TVP23A: variants seen among roughly 807,000 people sequenced by gnomAD.
TVP23A encodes trans-golgi network vesicle protein 23 homolog A, also known as Golgi apparatus membrane protein TVP23 homolog A.
A neutral mutation model predicts 31.7 loss-of-function variants in TVP23A; 21 were observed. The ratio of observed to expected loss-of-function variants is 0.66; its 90% CI spans 0.47 to 0.95. TVP23A has a LOEUF of 0.95. TVP23A is among the 40% of genes least tolerant of loss of function. The pLI, the probability that TVP23A is intolerant of heterozygous loss-of-function variation, is 0.00. For missense variants in TVP23A, 279 were observed against 255.6 expected (o/e 1.09, Z -0.62); for synonymous variants, 104 against 96.0 (o/e 1.08, Z -0.49).
intron 2 of TVP23A, among the ~76,000 whole-genome samples, chr16:10,814,908 TC>T (rs34056134): frequency 0.099 from 14,996 of 152,092 alleles, 1,443 homozygotes; most frequent in East Asian, 0.25. Flanking sequence ...GCAGGCCACT[TC>T]CCAGCACCTG....
intron 2 of TVP23A, among the ~76,000 whole-genome samples, chr16:10,806,111 G>C (rs547592495): frequency 1.8e-4 from 27 of 152,334 alleles, no homozygotes; most frequent in African/African-American, 6.5e-4. Flanking sequence ...GGGAGGCTGA[G>C]GCGGATGGAT....
At chr16:10,783,394 G>A (rs981710761) in intron 2 of TVP23A, among the ~76,000 whole-genome samples, 3 of 152,192 alleles carry the variant, frequency 2.0e-5, no homozygotes, top group African/African-American at 7.2e-5. Flanking sequence ...TCCTTCAATT[G>A]GCCAGGTGTG....
At position 10,779,169 on chromosome 16, in the gene TVP23A, T is replaced by C. The variant is rs116940072; in HGVS notation, c.90-4073A>G. Reference sequence around the variant, plus strand: ...CTTAGCTGGGCCCTGATTAACTCAATGGAAAGTGGTGTTACTCAAACAGAG... The same window carrying C: ...CTTAGCTGGGCCCTGATTAACTCAACGGAAAGTGGTGTTACTCAAACAGAG... On this transcript the variant is annotated intron_variant, in intron 2 of 7. Transcript: ENST00000299866. This position sits in a 1 kb window ranked among gnomAD's most constrained non-coding sequence, Gnocchi z 4.9. Among the ~76,000 whole-genome samples the C allele has an allele frequency of 1.9e-4, 29 of 152,252 alleles. 2 individuals are homozygous for C. The East Asian group carries it at 5.6e-3, about 29-fold the overall frequency.
At position 10,767,354 on chromosome 16, in the gene TVP23A, A is replaced by T; in HGVS notation, c.*1748T>A. On this transcript the variant is annotated 3_prime_UTR_variant, in exon 8 of 8. Transcript: ENST00000299866. This position sits in a 1 kb window ranked among gnomAD's most constrained non-coding sequence, Gnocchi z 4.6. ...AATGGCCACATGGCGGGGAAAGACT[A>T]GCAGACTGATAGACACCAGCACAGA... The T allele has an allele frequency of 2.5e-6, 1 of 399,704 alleles. No homozygotes were observed. Among genetic ancestry groups the T allele is most frequent in the East Asian group, 3.6e-5 (1 of 28,102 alleles). 24.8% of individuals were successfully genotyped at this position (399,704 alleles called of 1,614,324 possible).
At position 10,766,804 on chromosome 16, in the gene TVP23A, G is replaced by A; in HGVS notation, c.*2298C>T. ...TTGTGTTTAAATACCCTCTACTTGAGGTACGCCCTATATAAACGAAAAGGA... is the reference window on the plus strand; with the variant it reads ...TTGTGTTTAAATACCCTCTACTTGAAGTACGCCCTATATAAACGAAAAGGA... On this transcript the variant is annotated 3_prime_UTR_variant, in exon 8 of 8. Transcript: ENST00000299866. This position sits in a 1 kb window ranked among gnomAD's most constrained non-coding sequence, Gnocchi z 4.8. 7.5e-6 allele frequency: 3 copies of A among 397,528 alleles called. No individual in the cohort carries two copies. The highest frequency in any genetic ancestry group is 8.9e-6 in the Non-Finnish European group (2 of 225,906). The allele number at this position is 397,528 out of a possible 1,614,324, so 24.6% of individuals were successfully genotyped here.
chr16:10,765,682 A>T (rs962420025), downstream of TVP23A, among the ~76,000 whole-genome samples: 1 of 152,064 alleles, frequency 6.6e-6, no homozygotes, highest in Admixed American at 6.6e-5. The surrounding 1 kb of genome is among the most constrained non-coding windows in gnomAD (Gnocchi z 4.0). Context: ...CACCTCCCTC[A>T]CACCAAGCCC....
intron 2 of TVP23A, among the ~76,000 whole-genome samples, chr16:10,781,559 C>G (rs1340984966): frequency 6.6e-6 from 1 of 152,134 alleles, no homozygotes; most frequent in Non-Finnish European, 1.5e-5. Flanking sequence ...GTGTGAAAGC[C>G]ACCTGAGGAG....
chr16:10,804,661 G>A (rs181666733), intron 2 of TVP23A, among the ~76,000 whole-genome samples: 4 of 152,270 alleles, frequency 2.6e-5, no homozygotes, highest in Admixed American at 6.5e-5. Flanking sequence ...GGGGAGGATC[G>A]CTTGAGCCCA....
chr16:10,804,274 G>A (rs375734350), intron 2 of TVP23A, among the ~76,000 whole-genome samples: 5 of 152,184 alleles, frequency 3.3e-5, no homozygotes, highest in Non-Finnish European at 5.9e-5. Flanking sequence ...AAATGCTTTC[G>A]TTGGGATAAT....
In TVP23A at chr16:10,767,863, C is replaced by A; in HGVS notation, c.*1239G>T. ...AGCGGGCTCAAGATCTTCCCATTGT[C>A]ACCAGCACGGAAAGAGCCCCAAGAT... On this transcript the variant is annotated 3_prime_UTR_variant, in exon 8 of 8. Coordinates refer to ENST00000299866, the MANE Select transcript of TVP23A (RefSeq NM_001079512.4). The surrounding 1 kb of genome is among the most constrained non-coding windows in gnomAD (Gnocchi z 4.6). 1 of 1,246,876 alleles carries A rather than the reference C, an allele frequency of 8.0e-7. No individual in the cohort carries two copies. Among genetic ancestry groups the A allele is most frequent in the South Asian group, 1.2e-5 (1 of 82,748 alleles). The allele number at this position is 1,246,876 out of a possible 1,614,324, so 77.2% of individuals were successfully genotyped here. A position where few individuals can be genotyped will look rare whatever the true frequency, so the allele number is the denominator to read the frequency against.
chr16:10,809,954 C>T (rs749172310), intron 2 of TVP23A, among the ~76,000 whole-genome samples: 6 of 152,172 alleles, frequency 3.9e-5, no homozygotes, highest in Non-Finnish European at 5.9e-5. Flanking sequence ...CAACATTACT[C>T]ATAACAACAC....
chr16:10,786,624 CT>C (rs1451041010), intron 2 of TVP23A, among the ~76,000 whole-genome samples: 1 of 152,020 alleles, frequency 6.6e-6, no homozygotes, highest in African/African-American at 2.4e-5. Context: ...TTGCTTTGCT[CT>C]GTGATGATGT....
intron 5 of TVP23A, 40 bp downstream of exon 5, chr16:10,773,273 G>C: frequency 3.2e-6 from 5 of 1,549,698 alleles, no homozygotes; most frequent in Non-Finnish European, 4.3e-6. Context: ...TTTTTTTGCA[G>C]AGACATCAAA....
chr16:10,799,488 C>A (rs2033585975), intron 2 of TVP23A, among the ~76,000 whole-genome samples: 1 of 152,154 alleles, frequency 6.6e-6, no homozygotes, highest in African/African-American at 2.4e-5. Flanking sequence ...TGCCTACTAC[C>A]ACGCCTGACT....
chr16:10,810,406 G>A (rs2034141446), intron 2 of TVP23A, among the ~76,000 whole-genome samples: 1 of 151,924 alleles, frequency 6.6e-6, no homozygotes, highest in Non-Finnish European at 1.5e-5. Context: ...AATTAGGCAG[G>A]CGTGGTGGTG....
intron 2 of TVP23A, among the ~76,000 whole-genome samples, chr16:10,796,124 G>T (rs1313331876): frequency 6.6e-6 from 1 of 152,076 alleles, no homozygotes; most frequent in Non-Finnish European, 1.5e-5. Context: ...GAGGCAAGAG[G>T]ATCGCTTGAG....
rs1378215308 is a variant in TVP23A, at chr16:10,767,193, C to A, written c.*1909G>T. On this transcript the variant is annotated 3_prime_UTR_variant, in exon 8 of 8. Coordinates refer to ENST00000299866, the MANE Select transcript of TVP23A (RefSeq NM_001079512.4). This position sits in a 1 kb window ranked among gnomAD's most constrained non-coding sequence, Gnocchi z 4.6. ...AGAGCAAGCTGATGGCAGGTCCACC[C>A]ACGACTGGGGGCTGGCAGGGCAGAC... is the stretch of plus-strand genomic sequence containing the variant. 1.3e-5 allele frequency: 5 copies of A among 399,656 alleles called. No individual in the cohort carries two copies. Among genetic ancestry groups the A allele is most frequent in the African/African-American group, 6.2e-5 (3 of 48,660 alleles). 24.8% of individuals were successfully genotyped at this position (399,656 alleles called of 1,614,324 possible). A position where few individuals can be genotyped will look rare whatever the true frequency, so the allele number is the denominator to read the frequency against.
intron 2 of TVP23A, among the ~76,000 whole-genome samples, chr16:10,781,813 T>TCCAGAA (rs1239960820): frequency 3.4e-5 from 5 of 148,658 alleles, no homozygotes; most frequent in South Asian, 4.3e-4. Context: ...CTGTTCACGG[T>TCCAGAA]CCAGAACACG....
intron 2 of TVP23A, among the ~76,000 whole-genome samples, chr16:10,786,964 C>T (rs2032796900): frequency 6.6e-6 from 1 of 152,010 alleles, no homozygotes; most frequent in African/African-American, 2.4e-5. Context: ...ACCTAAAAAT[C>T]CCCCATTGAG....
Sources: gnomAD v4.1 joint callset for allele counts (sites outside exome capture counted in the v4.1 genomes callset) on GRCh38, gnomAD v4.1.1 for gene constraint, Gnocchi (gnomAD v3.1) non-coding constraint, MANE v1.5 for transcripts, NCBI Gene and HGNC (gene_info 2026-07-23, HGNC 2026-07-21) for gene names.